LRRC4C: variants seen among roughly 807,000 people sequenced by gnomAD.
LRRC4C encodes the protein leucine-rich repeat-containing protein 4C.
LRRC4C carries 5 observed loss-of-function variants against 33.6 expected under a neutral mutation model. The observed-to-expected ratio is 0.15, with a 90% CI of 0.08 to 0.31. LRRC4C has a LOEUF of 0.31. Among genes scored for constraint, LRRC4C ranks in the 10% least tolerant of loss-of-function variants. The pLI is 1.00. For synonymous variants in LRRC4C, 329 were observed against 302.0 expected (o/e 1.09, Z -0.93); for missense variants, 560 against 796.7 (o/e 0.70, Z 3.58).
At chr11:40,369,532 T>G (rs1948359519) in intron 3 of LRRC4C, among the ~76,000 whole-genome samples, 1 of 152,196 alleles carries the variant, frequency 6.6e-6, no homozygotes, top group African/African-American at 2.4e-5. Context: ...GAGATGGGGT[T>G]TCTTCATCTT....
intron 1 of LRRC4C, among the ~76,000 whole-genome samples, chr11:41,367,959 G>A (rs1212003419): frequency 6.6e-6 from 1 of 152,042 alleles, no homozygotes; most frequent in Non-Finnish European, 1.5e-5. Flanking sequence ...CAGGTTTTTG[G>A]TCCAAGAGCA....
In LRRC4C at chr11:40,777,675, C is replaced by T. The variant is rs191079109; in HGVS notation, c.-406-129397G>A. The stretch of plus-strand genomic sequence containing the variant: ...TCTTAAAGACAGCAGACAAATGGAT[C>T]TTGATTTTTTATTTTTTTTATTTTT... On this transcript the variant is annotated intron_variant, in intron 2 of 6. Coordinates refer to ENST00000528697, the MANE Select transcript of LRRC4C (RefSeq NM_001258419.2). Among the ~76,000 whole-genome samples the T allele has an allele frequency of 5.3e-4, 80 of 151,162 alleles. 2 individuals are homozygous for T. The East Asian group carries it at 0.015, about 29-fold the overall frequency.
rs192977453 is a variant in LRRC4C, at chr11:41,263,602, T to C, written c.-496+195829A>G. On this transcript the variant is annotated intron_variant, in intron 1 of 6. Coordinates refer to ENST00000528697, the MANE Select transcript of LRRC4C (RefSeq NM_001258419.2). ...ATACAGTCATTTGTTTATTCACACA[T>C]TGAATATGTTTTGAGTTTCTGCTTT... Among the ~76,000 whole-genome samples the C allele has an allele frequency of 2.1e-3, 326 of 152,318 alleles. 2 individuals are homozygous for C. The highest frequency in any genetic ancestry group is 7.5e-3 in the African/African-American group (310 of 41,586).
Position 40,413,785 on chromosome 11 carries a change from C to A in LRRC4C, c.-269-94064G>T, listed in dbSNP as rs531108137. Among the ~76,000 whole-genome samples the A allele has an allele frequency of 4.8e-4, 73 of 152,166 alleles. 1 individual carries two copies. The South Asian group carries it at 0.011, about 22-fold the overall frequency. ...CTTAAATCACTGACCCTACTTGAAACTTTCCCAGGATCAGAAATTATGTTC... is the reference window on the plus strand; with the variant it reads ...CTTAAATCACTGACCCTACTTGAAAATTTCCCAGGATCAGAAATTATGTTC... On this transcript the variant is annotated intron_variant, in intron 3 of 6. Coordinates refer to ENST00000528697, the MANE Select transcript of LRRC4C (RefSeq NM_001258419.2).
intron 1 of LRRC4C, among the ~76,000 whole-genome samples, chr11:41,333,675 G>C (rs537998511): frequency 1.3e-5 from 2 of 152,234 alleles, no homozygotes; most frequent in African/African-American, 4.8e-5. Context: ...CTTTTATTCA[G>C]TGATATTTTT....
intron 3 of LRRC4C, among the ~76,000 whole-genome samples, chr11:40,618,571 C>T (rs1962108250): frequency 6.6e-6 from 1 of 151,740 alleles, no homozygotes. Context: ...CATGGGAAAA[C>T]TTACCCTAGC....
At chr11:40,894,341 G>A (rs1955846605) in intron 2 of LRRC4C, among the ~76,000 whole-genome samples, 1 of 152,046 alleles carries the variant, frequency 6.6e-6, no homozygotes, top group Non-Finnish European at 1.5e-5. Flanking sequence ...GCAAAGGAAA[G>A]ACTTCCATTT....
intron 1 of LRRC4C, among the ~76,000 whole-genome samples, chr11:41,203,081 C>T (rs927065795): frequency 1.4e-4 from 21 of 152,196 alleles, no homozygotes; most frequent in Non-Finnish European, 2.2e-4. Flanking sequence ...CCACTGTGCC[C>T]GGTCAAAAAC....
chr11:41,218,220 A>G (rs991735395), intron 1 of LRRC4C, among the ~76,000 whole-genome samples: 1 of 152,162 alleles, frequency 6.6e-6, no homozygotes, highest in Non-Finnish European at 1.5e-5. Flanking sequence ...AAGAGGAGAC[A>G]GTCAATAAAT....
intron 6 of LRRC4C, among the ~76,000 whole-genome samples, chr11:40,133,472 A>C (rs1375733896): frequency 6.6e-6 from 1 of 152,208 alleles, no homozygotes; most frequent in Non-Finnish European, 1.5e-5. Flanking sequence ...CGAAGCACTA[A>C]AGATGTCTGG....
chr11:41,442,381 T>C (rs1203885506), intron 1 of LRRC4C, among the ~76,000 whole-genome samples: 2 of 151,584 alleles, frequency 1.3e-5, no homozygotes, highest in Non-Finnish European at 2.9e-5. Flanking sequence ...GAAAAAATAA[T>C]GGCAAATTTC....
intron 3 of LRRC4C, among the ~76,000 whole-genome samples, chr11:40,633,371 T>TTCTTTCTTTCTTTTTTTCTTTCTC (rs745929705): frequency 1.0e-5 from 1 of 96,308 alleles, no homozygotes; most frequent in African/African-American, 3.5e-5. Flanking sequence ...CTTTCTTTCT[T>TTCTTTCTTTCTTTTTTTCTTTCTC]TCTCTCTCTT....
intron 1 of LRRC4C, among the ~76,000 whole-genome samples, chr11:41,090,972 G>C (rs1008023238): frequency 6.6e-6 from 1 of 152,048 alleles, no homozygotes; most frequent in African/African-American, 2.4e-5. Context: ...TGTGAAAACA[G>C]ACTAATCTGC....
intron 3 of LRRC4C, among the ~76,000 whole-genome samples, chr11:40,419,304 T>C (rs942391015): frequency 6.6e-6 from 1 of 152,080 alleles, no homozygotes; most frequent in Non-Finnish European, 1.5e-5. Context: ...CGGCTGGAAA[T>C]TCTCCCAATT....
chr11:40,174,333 C>T (rs894512580), intron 5 of LRRC4C, among the ~76,000 whole-genome samples: 2 of 152,134 alleles, frequency 1.3e-5, no homozygotes, highest in African/African-American at 4.8e-5. Context: ...AACTAGTCTT[C>T]ACTGATTTAA....
intron 1 of LRRC4C, among the ~76,000 whole-genome samples, chr11:41,432,227 G>T (rs1590261038): frequency 6.6e-6 from 1 of 152,192 alleles, no homozygotes; most frequent in Non-Finnish European, 1.5e-5. Context: ...TACTCAGTTT[G>T]ACTCACCAAT....
At chr11:40,228,972 G>A (rs1336919133) in intron 5 of LRRC4C, among the ~76,000 whole-genome samples, 1 of 152,174 alleles carries the variant, frequency 6.6e-6, no homozygotes, top group Non-Finnish European at 1.5e-5. Flanking sequence ...TATCTTGCCA[G>A]ATCAGGATGC....
intron 3 of LRRC4C, among the ~76,000 whole-genome samples, chr11:40,449,840 A>C (rs1259862797): frequency 6.6e-6 from 1 of 152,168 alleles, no homozygotes; most frequent in East Asian, 1.9e-4. Flanking sequence ...AACAGCATTA[A>C]AGTTCAGTGA....
At chr11:41,246,497 T>C (rs1000462555) in intron 1 of LRRC4C, among the ~76,000 whole-genome samples, 1 of 152,142 alleles carries the variant, frequency 6.6e-6, no homozygotes, top group Non-Finnish European at 1.5e-5. Context: ...TGAGCAGCTA[T>C]AGCTGAGCTC....
Sources: allele counts gnomAD v4.1 joint callset (sites outside exome capture counted in the v4.1 genomes callset), GRCh38; gene constraint gnomAD v4.1.1; transcripts MANE v1.5; gene names NCBI Gene and HGNC (gene_info 2026-07-23, HGNC 2026-07-21).